NAA40: variants seen among roughly 807,000 people sequenced by gnomAD.
The protein encoded by NAA40 is N-alpha-acetyltransferase 40, NatD catalytic subunit.
Under a neutral mutation model 36.6 loss-of-function variants are expected in NAA40, and 26 were observed. The ratio of observed to expected loss-of-function variants is 0.71; its 90% CI spans 0.52 to 0.98. The LOEUF is 0.98. NAA40 is among the 50% of genes least tolerant of loss of function. The pLI is 0.00. For missense variants in NAA40, 237 were observed against 306.5 expected, an observed-to-expected ratio of 0.77 and a Z score of 1.69; for synonymous variants, 129 against 108.4, an observed-to-expected ratio of 1.19 and a Z score of -1.18.
At position 63,954,044 on chromosome 11, in the gene NAA40, G is replaced by C; in HGVS notation, c.567G>C (p.Ala189=). 1 of 1,614,110 alleles carries C rather than the reference G, an allele frequency of 6.2e-7. No individual in the cohort carries two copies. The highest frequency in any genetic ancestry group is 8.5e-7 in the Non-Finnish European group (1 of 1,180,008). Residue 189 remains alanine (A), a synonymous_variant, in exon 7 of 8, where the codon GCG becomes GCC. Coordinates refer to ENST00000377793, the MANE Select transcript of NAA40 (RefSeq NM_024771.4). ...GTGCCTACCAGTTCTTCAGAGAAGC[G>C]TTGCAGTAAGGAGCTGGGTGTGGGC... is the stretch of plus-strand genomic sequence containing the variant. ...NHGAYQFFRE[A]LQFEIDDSSP...
rs1189790217 is a variant in NAA40, at chr11:63,955,958, C to T, written c.*1479C>T. ...GGTCCCTCTGACCTCAGCATCTGCT[C>T]ACATCCCACCCTCTGCCCAACTCTG... On this transcript the variant is annotated 3_prime_UTR_variant, in exon 8 of 8. Transcript: ENST00000377793. 2 of 152,520 alleles carry T rather than the reference C, an allele frequency of 1.3e-5. No homozygotes were observed. The highest frequency in any genetic ancestry group is 4.8e-5 in the African/African-American group (2 of 41,460). 9.4% of individuals were successfully genotyped at this position (152,520 alleles called of 1,614,324 possible). A position where few individuals can be genotyped will look rare whatever the true frequency, so the allele number is the denominator to read the frequency against.
rs968069425 is a variant in NAA40, at chr11:63,947,789, C to T, written c.155+786C>T. On this transcript the variant is annotated intron_variant, in intron 3 of 7. Coordinates refer to ENST00000377793, the MANE Select transcript of NAA40 (RefSeq NM_024771.4). ...TCGTTCAGGCTGGAGTGCAGTGGTGCGATCTCGGCTCACTGCAACCTCTGC... is the reference window on the plus strand; with the variant it reads ...TCGTTCAGGCTGGAGTGCAGTGGTGTGATCTCGGCTCACTGCAACCTCTGC... Among the ~76,000 whole-genome samples the T allele has an allele frequency of 4.3e-5, 6 of 139,574 alleles. No individual in the cohort carries two copies. The South Asian group carries it at 6.9e-4, about 16-fold the overall frequency. 91.6% of individuals were successfully genotyped at this position (139,574 alleles called of 152,430 possible).
At chr11:63,947,796 G>A (rs909448525) in intron 3 of NAA40, among the ~76,000 whole-genome samples, 1 of 141,880 alleles carries the variant, frequency 7.0e-6, no homozygotes, top group Non-Finnish European at 1.5e-5. Context: ...GTGCGATCTC[G>A]GCTCACTGCA....
chr11:63,939,226 C>G, intron 1 of NAA40, 124 bp downstream of exon 1: 2 of 1,215,418 alleles, frequency 1.6e-6, no homozygotes, highest in Admixed American at 3.7e-5. Flanking sequence ...GACCCCTGAC[C>G]CCCACATGAC....
chr11:63,951,125 G>T (rs1307383331), intron 3 of NAA40, among the ~76,000 whole-genome samples: 1 of 152,200 alleles, frequency 6.6e-6, no homozygotes, highest in Non-Finnish European at 1.5e-5. Context: ...TGTGTCAAAG[G>T]TCACTGAAAG....
At chr11:63,946,403 C>A (rs550982128) in intron 2 of NAA40, 9 of 419,932 alleles carry the variant, frequency 2.1e-5, no homozygotes, top group African/African-American at 1.5e-4. Context: ...CGGGGTTTGG[C>A]CTTGTTGCCC....
In NAA40 at chr11:63,954,506, A is replaced by G. The variant is rs143030760; in HGVS notation, c.*27A>G. ...CTCTCAGAGCCACTTTCAAGTCACA[A>G]TGCTCTCTCCTAAGGCCTTTCCTCT... On this transcript the variant is annotated 3_prime_UTR_variant, in exon 8 of 8. Transcript: ENST00000377793. 1,315 of 1,577,412 alleles carry G rather than the reference A, an allele frequency of 8.3e-4. 12 individuals carry two copies. The African/African-American group carries it at 0.014, about 17-fold the overall frequency.
At chr11:63,946,504 C>T in intron 2 of NAA40, 2 of 1,136,424 alleles carry the variant, frequency 1.8e-6, no homozygotes, top group East Asian at 6.6e-5. Flanking sequence ...AGTGCCCAGC[C>T]CCTGCCTCCA....
chr11:63,949,966 G>A (rs375623009), intron 3 of NAA40, among the ~76,000 whole-genome samples: 23 of 151,812 alleles, frequency 1.5e-4, no homozygotes, highest in East Asian at 7.8e-4. Flanking sequence ...GGATGGTCTC[G>A]ATCTCCTGAC....
chr11:63,957,212 A>ATATATATATATATTTTT lies in NAA40; in HGVS notation c.*2734_*2735insATATATATATATTTTTT, dbSNP rs1278673521. On this transcript the variant is annotated 3_prime_UTR_variant, in exon 8 of 8. Coordinates refer to ENST00000377793, the MANE Select transcript of NAA40 (RefSeq NM_024771.4). ...CCTTGATATATATATATATATATAT[A>ATATATATATATATTTTT]TTTTTTTTTTTCTTTAGCAGCTTGT... is the stretch of plus-strand genomic sequence containing the variant. 1.7e-4 allele frequency: 11 copies of ATATATATATATATTTTT among 64,314 alleles called. No homozygotes were observed. Among genetic ancestry groups the ATATATATATATATTTTT allele is most frequent in the African/African-American group, 4.6e-4 (11 of 23,976 alleles). The allele number at this position is 64,314 out of a possible 1,614,324, so 4.0% of individuals were successfully genotyped here. A position where few individuals can be genotyped will look rare whatever the true frequency, so the allele number is the denominator to read the frequency against.
intron 3 of NAA40, among the ~76,000 whole-genome samples, chr11:63,947,213 C>G (rs987475010): frequency 2.6e-5 from 4 of 152,080 alleles, no homozygotes; most frequent in African/African-American, 9.7e-5. Context: ...TCGAGACCAG[C>G]CTGGCTAACA....
In NAA40 at chr11:63,954,540, C is replaced by G. The variant is rs1370892511; in HGVS notation, c.*61C>G. 1.3e-6 allele frequency: 2 copies of G among 1,511,814 alleles called. No individual in the cohort carries two copies. The highest frequency in any genetic ancestry group is 1.8e-6 in the Non-Finnish European group (2 of 1,128,770). The allele number at this position is 1,511,814 out of a possible 1,614,324, so 93.6% of individuals were successfully genotyped here. On this transcript the variant is annotated 3_prime_UTR_variant, in exon 8 of 8. Coordinates refer to ENST00000377793, the MANE Select transcript of NAA40 (RefSeq NM_024771.4). ...CCTAAGGCCTTTCCTCTTTCCTGGT[C>G]TCACTGTTCACCGGGTGTCCTCAGA...
chr11:63,952,099 C>A, intron 3 of NAA40, 139 bp from the exon 4 acceptor site: 1 of 640,094 alleles, frequency 1.6e-6, no homozygotes, highest in Non-Finnish European at 2.7e-6. Context: ...TCTAGTCATG[C>A]TGGGGCAGAT....
At position 63,952,210 on chromosome 11, in the gene NAA40, T is replaced by A. The variant is rs767670767; in HGVS notation, c.156-28T>A. ...GCCCTGGCAGGAGTGCTGTAACCAA[T>A]TCCGTACACGTCCTGTCCTCTTCTC... On this transcript the variant is annotated intron_variant, in intron 3 of 7. Transcript: ENST00000377793. 7 of 1,561,132 alleles carry A rather than the reference T, an allele frequency of 4.5e-6. No individual in the cohort carries two copies. In the South Asian group the frequency reaches 8.1e-5, roughly 18 times the overall value.
chr11:63,952,784 C>A lies in NAA40; in HGVS notation c.439C>A (p.Arg147=). The A allele has an allele frequency of 6.2e-7, 1 of 1,614,108 alleles. No homozygotes were observed. The highest frequency in any genetic ancestry group is 8.5e-7 in the Non-Finnish European group (1 of 1,180,020). Residue 147 remains arginine (R), a synonymous_variant, in exon 6 of 8, where the codon CGG becomes AGG. Coordinates refer to ENST00000377793, the MANE Select transcript of NAA40 (RefSeq NM_024771.4). ...TGAAGTGCAGTTGGAAAGCAAGGTG[C>A]GGCGGAAAGGCCTGGGGAAGTTCCT... ...CYEVQLESKV[R]RKGLGKFLIQ...
chr11:63,953,899 G>GGATTACA, intron 6 of NAA40, 73 bp from the exon 7 acceptor site: 1 of 1,350,042 alleles, frequency 7.4e-7, no homozygotes, highest in Admixed American at 1.7e-5. Flanking sequence ...CAAAGTGCTG[G>GGATTACA]GATTACAGGT....
chr11:63,941,839 C>T (rs529651351), intron 1 of NAA40, among the ~76,000 whole-genome samples: 1 of 152,264 alleles, frequency 6.6e-6, no homozygotes, highest in African/African-American at 2.4e-5. Context: ...TAGGCATGAG[C>T]CACCGCGCCC....
At position 63,952,849 on chromosome 11, in the gene NAA40, CCCTT is replaced by C; in HGVS notation, c.494+12_494+15del. 2 of 1,613,112 alleles carry C rather than the reference CCCTT, an allele frequency of 1.2e-6. No homozygotes were observed. The highest frequency in any genetic ancestry group is 1.7e-6 in the Non-Finnish European group (2 of 1,179,226). On this transcript the variant is annotated intron_variant, in intron 6 of 7. Coordinates refer to ENST00000377793, the MANE Select transcript of NAA40 (RefSeq NM_024771.4). ...AGCTCATGGCCAACAGGTAAGGCCT[CCCTT>C]CTTAGGAGGCCCATATAGCACTCAG...
Position 63,952,555 on chromosome 11 carries a change from G to A in NAA40, c.400G>A (p.Val134Ile). ...FRFDVECGDE[V>I]LYCYEVQLES... The stretch of plus-strand genomic sequence containing the variant: ...GTTTGACGTGGAGTGTGGGGATGAA[G>A]TCCTGTACTGGTAGGAGCCATGGCT... Residue 134 changes from valine (V) to isoleucine (I), a missense_variant, in exon 5 of 8, where the codon GTC becomes ATC. Transcript: ENST00000377793. The A allele has an allele frequency of 1.2e-6, 2 of 1,614,126 alleles. No individual in the cohort carries two copies. Among genetic ancestry groups the A allele is most frequent in the Non-Finnish European group, 1.7e-6 (2 of 1,180,010 alleles).
Sources: allele counts gnomAD v4.1 joint callset (sites outside exome capture counted in the v4.1 genomes callset), GRCh38; gene constraint gnomAD v4.1.1; transcripts MANE v1.5; gene names NCBI Gene and HGNC (gene_info 2026-07-23, HGNC 2026-07-21).